LMBR1: variants seen among roughly 807,000 people sequenced by gnomAD.
The protein encoded by LMBR1 is limb region 1 protein homolog.
Under a neutral mutation model 73.9 loss-of-function variants are expected in LMBR1, and 52 were observed. That is an observed-to-expected ratio of 0.70 (90% CI 0.56 to 0.89). The LOEUF is 0.89. Among genes scored for constraint, LMBR1 ranks in the 40% least tolerant of loss-of-function variants. The probability of loss-of-function intolerance (pLI) is 0.00; values close to 1 mark genes in which losing one functional copy is unlikely to be tolerated. For missense variants in LMBR1, 539 were observed against 579.8 expected (o/e 0.93, Z 0.72); for synonymous variants, 215 against 209.4 (o/e 1.03, Z -0.23).
intron 9 of LMBR1, among the ~76,000 whole-genome samples, chr7:156,744,525 T>G (rs571802843): frequency 6.6e-5 from 10 of 152,194 alleles, no homozygotes; most frequent in Non-Finnish European, 1.3e-4. Context: ...CTACTTGTTC[T>G]TTTCTCTCCT....
At chr7:156,699,863 C>T (rs552560915) in intron 15 of LMBR1, among the ~76,000 whole-genome samples, 2,428 of 152,288 alleles carry the variant, frequency 0.016, 63 homozygotes, top group African/African-American at 0.054. Flanking sequence ...CACCATCTCA[C>T]ACCAGTTAGA....
intron 1 of LMBR1, among the ~76,000 whole-genome samples, chr7:156,846,152 G>A (rs1392326206): frequency 6.6e-6 from 1 of 152,018 alleles, no homozygotes; most frequent in African/African-American, 2.4e-5. Context: ...TGAACATGTA[G>A]TGCCAGCTAC....
chr7:156,841,350 C>A (rs1193403541), intron 1 of LMBR1, among the ~76,000 whole-genome samples: 1 of 152,036 alleles, frequency 6.6e-6, no homozygotes. Flanking sequence ...GAAGAAAGGG[C>A]CAGGCCATAA....
At chr7:156,725,906 T>G in intron 12 of LMBR1, 69 bp from the exon 13 acceptor site, 4 of 1,155,150 alleles carry the variant, frequency 3.5e-6, no homozygotes, top group Non-Finnish European at 5.1e-6. Context: ...AAAACAGCTG[T>G]TTCATAAAAT....
chr7:156,762,337 A>G, intron 7 of LMBR1, 139 bp from the exon 8 acceptor site: 2 of 614,438 alleles, frequency 3.3e-6, no homozygotes, highest in Non-Finnish European at 3.0e-6. Context: ...TGAGATTGTC[A>G]GTGTTTTGTC....
downstream of LMBR1, chr7:156,676,778 G>A: frequency 1.5e-6 from 1 of 686,148 alleles, no homozygotes. Context: ...ATAAGCTATT[G>A]GTAGTTGTAG....
intron 1 of LMBR1, among the ~76,000 whole-genome samples, chr7:156,855,013 C>T (rs775909599): frequency 2.6e-4 from 40 of 152,190 alleles, no homozygotes; most frequent in Non-Finnish European, 2.8e-4. Context: ...TTATCTACAT[C>T]GTATCCGGCT....
intron 5 of LMBR1, among the ~76,000 whole-genome samples, chr7:156,773,851 T>C (rs1464876170): frequency 1.3e-5 from 2 of 151,606 alleles, no homozygotes; most frequent in African/African-American, 4.9e-5. Flanking sequence ...AATCGACAAA[T>C]GGGACCTAAT....
chr7:156,871,479 A>C (rs1236499576), intron 1 of LMBR1, among the ~76,000 whole-genome samples: 1 of 152,236 alleles, frequency 6.6e-6, no homozygotes, highest in African/African-American at 2.4e-5. Context: ...AGCCAGACAA[A>C]GAAGCCATAA....
chr7:156,869,874 C>G (rs1183073299), intron 1 of LMBR1, among the ~76,000 whole-genome samples: 2 of 152,078 alleles, frequency 1.3e-5, no homozygotes, highest in Non-Finnish European at 2.9e-5. Context: ...AAAACCGTCA[C>G]ATGAAACACA....
At chr7:156,878,042 G>A (rs1350462413) in intron 1 of LMBR1, among the ~76,000 whole-genome samples, 2 of 152,048 alleles carry the variant, frequency 1.3e-5, no homozygotes, top group South Asian at 2.1e-4. Flanking sequence ...CTACATACAA[G>A]GGACATATCT....
chr7:156,798,047 C>T (rs1432365567), intron 4 of LMBR1, among the ~76,000 whole-genome samples: 1 of 151,812 alleles, frequency 6.6e-6, no homozygotes, highest in East Asian at 1.9e-4. Flanking sequence ...TTTTATTGTG[C>T]TAATTACTGG....
chr7:156,799,201 C>CA (rs1164708033), intron 4 of LMBR1, among the ~76,000 whole-genome samples: 10,243 of 125,340 alleles, frequency 0.082, 410 homozygotes, highest in Middle Eastern at 0.13. Context: ...GACTCCATCT[C>CA]AAAAAAAAAA....
chr7:156,735,977 G>C (rs567869855), intron 9 of LMBR1, among the ~76,000 whole-genome samples: 1 of 152,330 alleles, frequency 6.6e-6, no homozygotes, highest in Admixed American at 6.5e-5. Flanking sequence ...AGTAAAGAAA[G>C]TAGAGCAAAT....
downstream of LMBR1, chr7:156,677,170 AG>A (rs1407891112): frequency 5.9e-5 from 9 of 152,834 alleles, no homozygotes; most frequent in African/African-American, 1.9e-4. Context: ...AGACTGTTTT[AG>A]TTCACACATT....
intron 1 of LMBR1, among the ~76,000 whole-genome samples, chr7:156,847,943 C>T (rs978664871): frequency 6.6e-6 from 1 of 152,086 alleles, no homozygotes; most frequent in Non-Finnish European, 1.5e-5. Context: ...TGAAAACTAT[C>T]CACACAAGAA....
intron 9 of LMBR1, among the ~76,000 whole-genome samples, chr7:156,737,100 G>C (rs926147390): frequency 1.3e-5 from 2 of 151,764 alleles, no homozygotes; most frequent in Admixed American, 1.3e-4. Context: ...TTACTCCCTT[G>C]CTTCGATGGT....
Position 156,671,033 on chromosome 7 carries a change from T to C in LMBR1, n.867-1746A>G, listed in dbSNP as rs548897120. Among the ~76,000 whole-genome samples the C allele has an allele frequency of 3.3e-5, 5 of 152,326 alleles. No homozygotes were observed. The East Asian group carries it at 9.6e-4, about 29-fold the overall frequency. On this transcript the variant is annotated intron_variant and non_coding_transcript_variant, in intron 4 of 4. Coordinates refer to the LMBR1 transcript ENST00000430825. ...AATTAAGTATGCTCAGATCCTTGTA[T>C]TGGTTCGAGGGATAAAAATTCCAAT...
At chr7:156,785,985 T>C (rs1384109484) in intron 5 of LMBR1, among the ~76,000 whole-genome samples, 1 of 152,166 alleles carries the variant, frequency 6.6e-6, no homozygotes, top group Non-Finnish European at 1.5e-5. Flanking sequence ...GATTTAATTA[T>C]GCCAGAGGAC....
Sources: gnomAD v4.1 joint callset for allele counts (sites outside exome capture counted in the v4.1 genomes callset) on GRCh38, gnomAD v4.1.1 for gene constraint, MANE v1.5 for transcripts, NCBI Gene and HGNC (gene_info 2026-07-23, HGNC 2026-07-21) for gene names.